RALYL: variants seen among roughly 807,000 people sequenced by gnomAD.
RALYL encodes RALY RNA binding protein like.
A neutral mutation model predicts 35.1 loss-of-function variants in RALYL; 29 were observed. That is an observed-to-expected ratio of 0.83 (90% CI 0.61 to 1.13). The LOEUF is 1.13. Among genes scored for constraint, RALYL ranks in the 50% most tolerant of loss-of-function variants. RALYL has a pLI of 0.00. For missense variants in RALYL, 359 were observed against 360.4 expected (o/e 1.00, Z 0.03); for synonymous variants, 120 against 127.6 (o/e 0.94, Z 0.40).
chr8:84,599,112 A>G (rs1815292979), intron 2 of RALYL, among the ~76,000 whole-genome samples: 1 of 152,064 alleles, frequency 6.6e-6, no homozygotes, highest in Non-Finnish European at 1.5e-5. Flanking sequence ...CCTTAAGATT[A>G]TTTAGATGTA....
chr8:84,413,144 G>T (rs2044266011), intron 1 of RALYL, among the ~76,000 whole-genome samples: 2 of 149,692 alleles, frequency 1.3e-5, no homozygotes, highest in Admixed American at 1.3e-4. Flanking sequence ...ATTTTTTTCT[G>T]GTTCTTCAAA....
At chr8:84,430,419 G>T (rs1169324502) in intron 1 of RALYL, among the ~76,000 whole-genome samples, 7 of 152,086 alleles carry the variant, frequency 4.6e-5, no homozygotes. Context: ...CTGTTGTTAA[G>T]TTCAAATACA....
At chr8:84,843,317 C>T (rs540578318) in intron 4 of RALYL, among the ~76,000 whole-genome samples, 216 of 152,194 alleles carry the variant, frequency 1.4e-3, no homozygotes, top group Non-Finnish European at 2.5e-3. Context: ...CTCTTATACA[C>T]CAATAACAGA....
chr8:84,335,709 CTTTTTT>C (rs548185561), intron 1 of RALYL, among the ~76,000 whole-genome samples: 7 of 85,216 alleles, frequency 8.2e-5, no homozygotes, highest in Admixed American at 7.2e-4. Context: ...GTTTTCTTAC[CTTTTTT>C]TTTTTTTTTT....
intron 1 of RALYL, among the ~76,000 whole-genome samples, chr8:84,340,509 C>A (rs563512711): frequency 1.3e-5 from 2 of 152,122 alleles, no homozygotes; most frequent in Non-Finnish European, 2.9e-5. Flanking sequence ...ATTTTAGATA[C>A]TTCATGTAAG....
At chr8:84,404,204 T>C (rs1255824475) in intron 1 of RALYL, among the ~76,000 whole-genome samples, 5 of 151,888 alleles carry the variant, frequency 3.3e-5, no homozygotes, top group Non-Finnish European at 7.4e-5. Flanking sequence ...ACTTACAATA[T>C]TATGTTAAAT....
intron 1 of RALYL, among the ~76,000 whole-genome samples, chr8:84,507,269 A>G (rs1388464364): frequency 2.0e-5 from 3 of 152,120 alleles, no homozygotes; most frequent in African/African-American, 7.2e-5. Flanking sequence ...GACTGCAGGT[A>G]CACAGAATTA....
At chr8:84,395,178 T>C (rs1266829623) in intron 1 of RALYL, among the ~76,000 whole-genome samples, 1 of 151,886 alleles carries the variant, frequency 6.6e-6, no homozygotes, top group Admixed American at 6.6e-5. Flanking sequence ...TTAAATGATT[T>C]TTTAAAAGTC....
At chr8:84,699,830 T>A (rs1839880853) in intron 2 of RALYL, among the ~76,000 whole-genome samples, 1 of 152,184 alleles carries the variant, frequency 6.6e-6, no homozygotes. Context: ...CTTTTTAGGT[T>A]CAGGATTATT....
chr8:84,228,345 C>G (rs555897048), intron 1 of RALYL, among the ~76,000 whole-genome samples: 1 of 152,226 alleles, frequency 6.6e-6, no homozygotes, highest in Non-Finnish European at 1.5e-5. Flanking sequence ...TACAAAATTA[C>G]TACCATAGAA....
chr8:84,653,077 G>A (rs1045949705), intron 2 of RALYL, among the ~76,000 whole-genome samples: 1 of 151,940 alleles, frequency 6.6e-6, no homozygotes, highest in Non-Finnish European at 1.5e-5. Flanking sequence ...ACAAACAAAC[G>A]AATGGGTTAT....
chr8:84,642,022 C>A (rs1588697361), intron 2 of RALYL, among the ~76,000 whole-genome samples: 1 of 151,844 alleles, frequency 6.6e-6, no homozygotes, highest in African/African-American at 2.4e-5. Flanking sequence ...GAATGAAAAG[C>A]ATTTGGACTT....
intron 2 of RALYL, among the ~76,000 whole-genome samples, chr8:84,714,431 G>T (rs13266372): frequency 0.36 from 55,194 of 151,294 alleles, 12,384 homozygotes; most frequent in South Asian, 0.56. Context: ...CATGGTAATG[G>T]ATATGTTTCA....
chr8:84,441,344 A>C (rs1317476285), intron 1 of RALYL, among the ~76,000 whole-genome samples: 1 of 152,078 alleles, frequency 6.6e-6, no homozygotes, highest in Non-Finnish European at 1.5e-5. Flanking sequence ...AAAGGCACTG[A>C]GGTGGAGCCC....
At chr8:84,217,694 A>G (rs1821161010) in intron 1 of RALYL, among the ~76,000 whole-genome samples, 2 of 152,144 alleles carry the variant, frequency 1.3e-5, no homozygotes, top group Non-Finnish European at 2.9e-5. Context: ...AGCAGAATGC[A>G]TGAAGATTTA....
chr8:84,694,366 G>A (rs1446965362), intron 2 of RALYL, among the ~76,000 whole-genome samples: 2 of 151,744 alleles, frequency 1.3e-5, no homozygotes, highest in African/African-American at 2.4e-5. Flanking sequence ...CGTTTACATA[G>A]CATCATAAAA....
chr8:84,272,157 A>G (rs1220041417), intron 1 of RALYL, among the ~76,000 whole-genome samples: 2 of 151,874 alleles, frequency 1.3e-5, no homozygotes. Flanking sequence ...CAATGGCTTG[A>G]TCTCAGCTCA....
chr8:84,298,178 A>G (rs1840118004), intron 1 of RALYL, among the ~76,000 whole-genome samples: 1 of 151,930 alleles, frequency 6.6e-6, no homozygotes, highest in Non-Finnish European at 1.5e-5. Flanking sequence ...TTTTACATCT[A>G]AGCCTTTAAT....
intron 2 of RALYL, among the ~76,000 whole-genome samples, chr8:84,573,082 A>G (rs2135819044): frequency 6.6e-6 from 1 of 151,058 alleles, no homozygotes; most frequent in Non-Finnish European, 1.5e-5. Context: ...GTTTTTTCCT[A>G]TTTTCACATT....
Sources: gnomAD v4.1 joint callset for allele counts (sites outside exome capture counted in the v4.1 genomes callset) on GRCh38, gnomAD v4.1.1 for gene constraint, MANE v1.5 for transcripts, NCBI Gene and HGNC (gene_info 2026-07-23, HGNC 2026-07-21) for gene names.